DDX25: variants seen among roughly 807,000 people sequenced by gnomAD.
DDX25 encodes DEAD-box helicase 25.
DDX25 carries 70 observed loss-of-function variants against 64.6 expected under a neutral mutation model. That is an observed-to-expected ratio of 1.08 (90% confidence interval 0.89 to 1.32). The LOEUF is 1.32. Ranked by LOEUF, DDX25 falls within the 40% of genes most tolerant of loss-of-function variation. The probability of loss-of-function intolerance (pLI) is 0.00; values close to 1 mark genes in which losing one functional copy is unlikely to be tolerated. For synonymous variants in DDX25, 211 were observed against 213.3 expected, an observed-to-expected ratio of 0.99 and a Z score of 0.09; for missense variants, 587 against 604.4, an observed-to-expected ratio of 0.97 and a Z score of 0.30.
chr11:125,915,309 C>T (rs1366339701), intron 8 of DDX25, among the ~76,000 whole-genome samples: 1 of 152,056 alleles, frequency 6.6e-6, no homozygotes, highest in African/African-American at 2.4e-5. Context: ...TTTCTAATAG[C>T]CACATCCAAA....
At chr11:125,907,276 T>C (rs575388204) in intron 4 of DDX25, among the ~76,000 whole-genome samples, 45 of 152,324 alleles carry the variant, frequency 3.0e-4, no homozygotes, top group African/African-American at 1.0e-3. Flanking sequence ...CTACCAGTCC[T>C]CTACCAATTA....
Position 125,921,278 on chromosome 11 carries a change from A to AC in DDX25, c.1291dup (p.Arg431ProfsTer19), listed in dbSNP as rs1268007361. 11 of 1,613,484 alleles carry AC rather than the reference A, an allele frequency of 6.8e-6. No homozygotes were observed. Among genetic ancestry groups the AC allele is most frequent in the Non-Finnish European group, 9.3e-6 (11 of 1,179,750 alleles). On this transcript the variant is annotated frameshift_variant, in exon 11 of 12. Transcript: ENST00000263576. LOFTEE classifies it high-confidence loss of function. The surrounding 1 kb of genome is among the most constrained non-coding windows in gnomAD (Gnocchi z 4.1). ...GAGCCGGACTATGAGACCTACCTCC[A>AC]CCGCATAGGGCGGACGGGGCGCTTT...
intron 7 of DDX25, 136 bp from the exon 8 acceptor site, chr11:125,911,175 G>A: frequency 1.3e-6 from 1 of 789,074 alleles, no homozygotes; most frequent in Non-Finnish European, 1.7e-6. Flanking sequence ...AAACCACAAT[G>A]ACCCTCGGGG....
At chr11:125,920,262 C>T (rs893747095) in intron 10 of DDX25, among the ~76,000 whole-genome samples, 1 of 152,088 alleles carries the variant, frequency 6.6e-6, no homozygotes, top group Non-Finnish European at 1.5e-5. Context: ...CATGGTGAAA[C>T]CCCATCTCTA....
intron 8 of DDX25, among the ~76,000 whole-genome samples, chr11:125,916,505 G>T (rs1442083262): frequency 6.6e-6 from 1 of 152,164 alleles, no homozygotes; most frequent in Non-Finnish European, 1.5e-5. Context: ...TCTGGGTTCA[G>T]AATGGGTACA....
At position 125,917,039 on chromosome 11, in the gene DDX25, C is replaced by T. The variant is rs371915891; in HGVS notation, c.826C>T (p.Leu276Phe). ...AGCTCTACCCTCCGAATGCCAAATGCTCCTCTTTTCAGCAACCTTTGAGGA... is the reference window on the plus strand; with the variant it reads ...AGCTCTACCCTCCGAATGCCAAATGTTCCTCTTTTCAGCAACCTTTGAGGA... ...QRALPSECQM[L>F]LFSATFEDSV... Residue 276 changes from leucine (L) to phenylalanine (F), a missense_variant, in exon 9 of 12, where the codon CTC becomes TTC. Transcript: ENST00000263576. 12 of 1,603,134 alleles carry T rather than the reference C, an allele frequency of 7.5e-6. No homozygotes were observed. The highest frequency in any genetic ancestry group is 1.0e-5 in the Non-Finnish European group (12 of 1,175,110).
chr11:125,907,636 C>G (rs1174293327), intron 4 of DDX25, among the ~76,000 whole-genome samples: 1 of 151,992 alleles, frequency 6.6e-6, no homozygotes, highest in African/African-American at 2.4e-5. Flanking sequence ...GTGTTGTAGT[C>G]CACTTGATTT....
Position 125,927,261 on chromosome 11 carries a change from A to G in DDX25, c.*4380A>G, listed in dbSNP as rs1945175850. ...ATGTCCCATGGTGTTTGGCAAACCCACGGAGGGGCCCACAGGCCCATGTCT... is the reference window on the plus strand; with the variant it reads ...ATGTCCCATGGTGTTTGGCAAACCCGCGGAGGGGCCCACAGGCCCATGTCT... On this transcript the variant is annotated 3_prime_UTR_variant, in exon 12 of 12. Transcript: ENST00000263576. 1 of 152,262 alleles carries G rather than the reference A, an allele frequency of 6.6e-6. No homozygotes were observed. Among genetic ancestry groups the G allele is most frequent in the Admixed American group, 6.5e-5 (1 of 15,286 alleles). The allele number at this position is 152,262 out of a possible 1,614,324, so 9.4% of individuals were successfully genotyped here.
chr11:125,926,063 CCT>C lies in DDX25; in HGVS notation c.*3185_*3186del, dbSNP rs1565470668. 6.5e-6 allele frequency: 1 copy of C among 152,864 alleles called. No individual in the cohort carries two copies. Among genetic ancestry groups the C allele is most frequent in the African/African-American group, 2.4e-5 (1 of 41,424 alleles). 9.5% of individuals were successfully genotyped at this position (152,864 alleles called of 1,614,324 possible). A position where few individuals can be genotyped will look rare whatever the true frequency, so the allele number is the denominator to read the frequency against. Reference sequence around the variant, plus strand: ...GTCAAGCCTTGGCTTGGTTCCTGGTCCTCTGAGAGGCTCAGTCTCCTTCCTTT... The same window carrying C: ...GTCAAGCCTTGGCTTGGTTCCTGGTCCTGAGAGGCTCAGTCTCCTTCCTTT... On this transcript the variant is annotated 3_prime_UTR_variant, in exon 12 of 12. Coordinates refer to ENST00000263576, the MANE Select transcript of DDX25 (RefSeq NM_013264.5).
At position 125,908,217 on chromosome 11, in the gene DDX25, A is replaced by C. The variant is rs200763428; in HGVS notation, c.333A>C (p.Gly111=). 1 of 1,609,406 alleles carries C rather than the reference A, an allele frequency of 6.2e-7. No individual in the cohort carries two copies. Among genetic ancestry groups the C allele is most frequent in the Non-Finnish European group, 8.5e-7 (1 of 1,177,694 alleles). ...ELRLKEELLK[G]IYAMGFNRPS... ...ACAGAAAGGAAGAGTTACTAAAAGG[A>C]ATCTATGCAATGGGATTTAATAGGC... The change falls in exon 5 of 12, where the codon GGA becomes GGC. Residue 111 remains glycine (G), a synonymous_variant. Transcript: ENST00000263576.
rs1162560063 is a variant in DDX25, at chr11:125,928,675, C to T, written c.*5794C>T. The T allele has an allele frequency of 3.3e-5, 5 of 152,162 alleles. No homozygotes were observed. Among genetic ancestry groups the T allele is most frequent in the Non-Finnish European group, 5.9e-5 (4 of 68,026 alleles). The allele number at this position is 152,162 out of a possible 1,614,324, so 9.4% of individuals were successfully genotyped here. A position where few individuals can be genotyped will look rare whatever the true frequency, so the allele number is the denominator to read the frequency against. On this transcript the variant is annotated 3_prime_UTR_variant, in exon 12 of 12. Coordinates refer to ENST00000263576, the MANE Select transcript of DDX25 (RefSeq NM_013264.5). ...TGGTTTATGTTTCTCTTAGTACAAG[C>T]AAGATTATATTTTTTAAAGTGGTTC...
At chr11:125,908,597 G>T (rs1031460863) in intron 6 of DDX25, 94 bp downstream of exon 6, 1 of 1,185,334 alleles carries the variant, frequency 8.4e-7, no homozygotes, top group Non-Finnish European at 1.2e-6. Context: ...TGGTTACTAT[G>T]GTGATGAAAT....
At chr11:125,910,993 TAGA>T (rs898004566) in intron 7 of DDX25, among the ~76,000 whole-genome samples, 1 of 151,824 alleles carries the variant, frequency 6.6e-6, no homozygotes, top group Non-Finnish European at 1.5e-5. Flanking sequence ...TTTACAAAAA[TAGA>T]AGGACTTTTT....
Position 125,921,075 on chromosome 11 carries a change from G to T in DDX25, c.1202-116G>T. The T allele has an allele frequency of 1.9e-6, 2 of 1,071,654 alleles. No individual in the cohort carries two copies. Among genetic ancestry groups the T allele is most frequent in the East Asian group, 5.2e-5 (2 of 38,252 alleles). The allele number at this position is 1,071,654 out of a possible 1,614,324, so 66.4% of individuals were successfully genotyped here. On this transcript the variant is annotated intron_variant, in intron 10 of 11. Coordinates refer to ENST00000263576, the MANE Select transcript of DDX25 (RefSeq NM_013264.5). The surrounding 1 kb of genome is among the most constrained non-coding windows in gnomAD (Gnocchi z 4.1). ...TACCTGTCTCAATTACATAAGCCCT[G>T]GTTGGATTTCTAAATTTTCTCTATA...
intron 8 of DDX25, among the ~76,000 whole-genome samples, chr11:125,912,981 C>A (rs1238974611): frequency 6.6e-6 from 1 of 151,890 alleles, no homozygotes; most frequent in Non-Finnish European, 1.5e-5. Context: ...CACGGTGAAA[C>A]CCCATCTCTA....
At chr11:125,918,307 T>G (rs1945065513) in intron 9 of DDX25, among the ~76,000 whole-genome samples, 1 of 152,242 alleles carries the variant, frequency 6.6e-6, no homozygotes, top group African/African-American at 2.4e-5. Flanking sequence ...CAAGCACTCT[T>G]AGAGTGTCTG....
intron 10 of DDX25, chr11:125,920,913 C>CACAT: frequency 8.4e-6 from 2 of 238,504 alleles, no homozygotes; most frequent in South Asian, 8.1e-5. Flanking sequence ...CCACCACACA[C>CACAT]ACACATACAC....
chr11:125,918,629 C>CT lies in DDX25; in HGVS notation c.1041dup (p.Arg348SerfsTer5). 1 of 1,609,170 alleles carries CT rather than the reference C, an allele frequency of 6.2e-7. No individual in the cohort carries two copies. The highest frequency in any genetic ancestry group is 8.5e-7 in the Non-Finnish European group (1 of 1,177,048). On this transcript the variant is annotated frameshift_variant and splice_region_variant, in exon 10 of 12. Transcript: ENST00000263576. LOFTEE classifies it high-confidence loss of function. ...GTTGGGTTTTGCCTTTTTACATAGA[C>CT]TCGTCGAAACGCTAAGTGGTTGACC...
rs1944952018 is a variant in DDX25, at chr11:125,910,457, T to G, written c.601T>G (p.Tyr201Asp). 2 of 1,614,018 alleles carry G rather than the reference T, an allele frequency of 1.2e-6. No homozygotes were observed. Residue 201 changes from tyrosine (Y) to aspartate (D), a missense_variant, in exon 7 of 12, where the codon TAT (tyrosine) becomes GAT (aspartate). Physicochemically the swap from Tyr to Asp is radical, Grantham distance 160. Coordinates refer to ENST00000263576, the MANE Select transcript of DDX25 (RefSeq NM_013264.5). ...GKFCVDVQVM[Y>D]AIRGNRIPRG... ...ATTCTGTGTGGATGTTCAAGTGATG[T>G]ATGCCATTCGAGGGAATCGAAGTAT... is the stretch of plus-strand genomic sequence containing the variant.
Sources: gnomAD v4.1 joint callset for allele counts (sites outside exome capture counted in the v4.1 genomes callset) on GRCh38, gnomAD v4.1.1 for gene constraint, Gnocchi (gnomAD v3.1) non-coding constraint, MANE v1.5 for transcripts, NCBI Gene and HGNC (gene_info 2026-07-23, HGNC 2026-07-21) for gene names.